The following CRIM1 variants were observed in gnomAD, a reference collection of about 807,000 sequenced individuals.
CRIM1 encodes cysteine rich transmembrane BMP regulator 1, also known as cysteine-rich motor neuron 1 protein.
In CRIM1, 32 loss-of-function variants were observed where a neutral mutation model predicts 116.4. That is an observed-to-expected ratio of 0.27 (90% CI 0.21 to 0.37). CRIM1 has a LOEUF of 0.37. Among genes scored for constraint, CRIM1 ranks in the 10% least tolerant of loss-of-function variants. The pLI, the probability that CRIM1 is intolerant of heterozygous loss-of-function variation, is 1.00. For synonymous variants in CRIM1, 590 were observed against 509.2 expected, an observed-to-expected ratio of 1.16 and a Z score of -2.13; for missense variants, 1,331 against 1,354.8, an observed-to-expected ratio of 0.98 and a Z score of 0.28.
At chr2:36,499,855 C>T (rs1056207049) in intron 8 of CRIM1, among the ~76,000 whole-genome samples, 9 of 152,120 alleles carry the variant, frequency 5.9e-5, no homozygotes, top group African/African-American at 2.2e-4. Context: ...TACACACACA[C>T]CCCACCCCCA....
intron 2 of CRIM1, among the ~76,000 whole-genome samples, chr2:36,415,031 G>C (rs1673500996): frequency 6.6e-6 from 1 of 152,162 alleles, no homozygotes; most frequent in Non-Finnish European, 1.5e-5. Flanking sequence ...CTGAAGAAGA[G>C]CCCAGCCAGG....
chr2:36,528,596 C>T (rs1665912383), intron 13 of CRIM1, among the ~76,000 whole-genome samples: 1 of 152,188 alleles, frequency 6.6e-6, no homozygotes, highest in Non-Finnish European at 1.5e-5. Context: ...TCAGGGCGCA[C>T]CCTCATAGGG....
At chr2:36,492,165 A>T (rs1179252601) in intron 7 of CRIM1, among the ~76,000 whole-genome samples, 1 of 152,216 alleles carries the variant, frequency 6.6e-6, no homozygotes, top group Admixed American at 6.5e-5. Flanking sequence ...ATAGGTCTAA[A>T]ATAAATACAT....
chr2:36,421,868 A>G (rs144395873), intron 2 of CRIM1, among the ~76,000 whole-genome samples: 128 of 151,658 alleles, frequency 8.4e-4, no homozygotes, highest in South Asian at 4.0e-3. Flanking sequence ...AGTTTTTTCA[A>G]TGCCTTTGGT....
intron 12 of CRIM1, among the ~76,000 whole-genome samples, chr2:36,519,781 T>C (rs1442694599): frequency 1.3e-5 from 2 of 152,182 alleles, no homozygotes; most frequent in Non-Finnish European, 2.9e-5. Flanking sequence ...AGATTGCACA[T>C]CACTGCAAGT....
rs1667403270 is a variant in CRIM1, at chr2:36,547,093, T to A, written c.2856T>A (p.Ser952=). Residue 952 remains serine, a synonymous_variant, in exon 16 of 17, where the codon TCT becomes TCA. Transcript: ENST00000280527. ...TGGTTCCCATAATTATATGCCTCTC[T>A]ATTATAATAGCATTCCTATTCATCA... ...SVVVPIIICL[S]IIIAFLFINQ... The A allele has an allele frequency of 6.2e-7, 1 of 1,612,144 alleles. No homozygotes were observed. Among genetic ancestry groups the A allele is most frequent in the African/African-American group, 1.3e-5 (1 of 74,854 alleles).
chr2:36,364,706 G>A (rs745417312), intron 1 of CRIM1, among the ~76,000 whole-genome samples: 1 of 152,108 alleles, frequency 6.6e-6, no homozygotes, highest in African/African-American at 2.4e-5. Context: ...AGATCAGCTT[G>A]TTTAGTTTCT....
At chr2:36,362,462 C>T (rs1669290157) in intron 1 of CRIM1, among the ~76,000 whole-genome samples, 1 of 152,164 alleles carries the variant, frequency 6.6e-6, no homozygotes, top group South Asian at 2.1e-4. Context: ...ATTCTTAATG[C>T]TTTAGTAGCT....
chr2:36,362,297 C>T (rs1004159112), intron 1 of CRIM1, among the ~76,000 whole-genome samples: 2 of 152,128 alleles, frequency 1.3e-5, no homozygotes, highest in Admixed American at 6.5e-5. Flanking sequence ...TCTTGAGGCT[C>T]TGGTGGCAAA....
chr2:36,431,815 A>G (rs190060689), intron 2 of CRIM1, among the ~76,000 whole-genome samples: 2 of 152,320 alleles, frequency 1.3e-5, no homozygotes, highest in Admixed American at 1.3e-4. Context: ...CCCTCATTTT[A>G]CAGATGAACA....
At chr2:36,491,825 T>C (rs1192159569) in intron 7 of CRIM1, among the ~76,000 whole-genome samples, 1 of 152,160 alleles carries the variant, frequency 6.6e-6, no homozygotes, top group Non-Finnish European at 1.5e-5. Flanking sequence ...CGCATACCTA[T>C]TAATGTAACA....
intron 1 of CRIM1, among the ~76,000 whole-genome samples, chr2:36,373,364 A>T (rs1305997342): frequency 1.3e-5 from 2 of 152,204 alleles, no homozygotes; most frequent in African/African-American, 4.8e-5. Flanking sequence ...GGAAGGAGAG[A>T]ACCAGAGAAG....
At chr2:36,398,593 A>G (rs956154172) in intron 2 of CRIM1, among the ~76,000 whole-genome samples, 1 of 152,228 alleles carries the variant, frequency 6.6e-6, no homozygotes, top group African/African-American at 2.4e-5. Context: ...TAATTACCGT[A>G]TCTGATTGAA....
chr2:36,517,999 A>G (rs1665142558), intron 12 of CRIM1, among the ~76,000 whole-genome samples: 1 of 152,232 alleles, frequency 6.6e-6, no homozygotes, highest in South Asian at 2.1e-4. Context: ...ACTTTGAAAT[A>G]TGCATAATGC....
At chr2:36,490,122 A>G (rs971752947) in intron 7 of CRIM1, among the ~76,000 whole-genome samples, 1 of 152,168 alleles carries the variant, frequency 6.6e-6, no homozygotes, top group Non-Finnish European at 1.5e-5. Context: ...CAATTGCCAT[A>G]CTATTTATCA....
At chr2:36,538,260 C>T (rs890247283) in intron 14 of CRIM1, among the ~76,000 whole-genome samples, 1 of 152,160 alleles carries the variant, frequency 6.6e-6, no homozygotes, top group Non-Finnish European at 1.5e-5. Context: ...CCTGCATCTC[C>T]TGCCAAACAA....
rs1668850499 is a variant in CRIM1 at position 36,356,864 on chromosome 2, A to G, written c.331+241A>G. 6.6e-6 allele frequency among the ~76,000 whole-genome samples: 1 copy of G among 152,056 alleles called. No homozygotes were observed. Among genetic ancestry groups the G allele is most frequent in the Non-Finnish European group, 1.5e-5 (1 of 67,988 alleles). On this transcript the variant is annotated intron_variant, in intron 1 of 16. Coordinates refer to ENST00000280527, the MANE Select transcript of CRIM1 (RefSeq NM_016441.3). This position sits in a 1 kb window ranked among gnomAD's most constrained non-coding sequence, Gnocchi z 4.3. ...GTGGGTGGGGGCGAGCGAGTGGAGG[A>G]TCGCCCCTGTCCCCGCGCAGACGCG...
chr2:36,510,255 T>C (rs1664561637), intron 9 of CRIM1, 116 bp downstream of exon 9: 2 of 912,020 alleles, frequency 2.2e-6, no homozygotes, highest in South Asian at 3.6e-5. Context: ...GAGCCCAGAA[T>C]GTCTATACTT....
chr2:36,538,863 A>C (rs1196926727), intron 14 of CRIM1, among the ~76,000 whole-genome samples: 1 of 152,210 alleles, frequency 6.6e-6, no homozygotes, highest in Non-Finnish European at 1.5e-5. Flanking sequence ...GTGTATATTC[A>C]CCTATGTTTC....
Sources: allele counts gnomAD v4.1 joint callset (sites outside exome capture counted in the v4.1 genomes callset), GRCh38; gene constraint gnomAD v4.1.1; non-coding constraint Gnocchi (gnomAD v3.1); transcripts MANE v1.5; gene names NCBI Gene and HGNC (gene_info 2026-07-23, HGNC 2026-07-21).